OXR1: variants seen among roughly 807,000 people sequenced by gnomAD.
OXR1 encodes oxidation resistance 1.
OXR1 carries 41 observed loss-of-function variants against 104.6 expected under a neutral mutation model. That is an observed-to-expected ratio of 0.39 (90% CI 0.31 to 0.51). The LOEUF (loss-of-function observed/expected upper bound fraction) is 0.51, where lower values mean the gene tolerates loss of function less well. OXR1 is among the 20% of genes least tolerant of loss of function. The pLI, the probability that OXR1 is intolerant of heterozygous loss-of-function variation, is 0.77. For missense variants in OXR1, 955 were observed against 1,031.9 expected, an observed-to-expected ratio of 0.93 and a Z score of 1.02; for synonymous variants, 348 against 348.4, an observed-to-expected ratio of 1.00 and a Z score of 0.01.
intron 1 of OXR1, among the ~76,000 whole-genome samples, chr8:106,348,899 G>C (rs1458923756): frequency 6.6e-6 from 1 of 152,144 alleles, no homozygotes; most frequent in East Asian, 1.9e-4. Flanking sequence ...GTAATAGTTA[G>C]GTTGTAGGAA....
At chr8:106,287,332 A>G (rs991888335) in intron 1 of OXR1, among the ~76,000 whole-genome samples, 2 of 152,198 alleles carry the variant, frequency 1.3e-5, no homozygotes, top group Non-Finnish European at 2.9e-5. Flanking sequence ...TCCTGTGGAT[A>G]ATAATTTCTG....
chr8:106,386,079 G>A (rs958188679), intron 2 of OXR1, among the ~76,000 whole-genome samples: 1 of 152,152 alleles, frequency 6.6e-6, no homozygotes, highest in African/African-American at 2.4e-5. Context: ...GTGGGCAGCA[G>A]CAGCAGCAGC....
chr8:106,339,520 A>T (rs1395122656), intron 1 of OXR1, among the ~76,000 whole-genome samples: 48 of 8,224 alleles, frequency 5.8e-3, no homozygotes, highest in South Asian at 0.04. Flanking sequence ...AAAAAAAAAA[A>T]TATATATATA....
chr8:106,480,617 G>T (rs1006154454), intron 2 of OXR1, among the ~76,000 whole-genome samples: 1 of 151,674 alleles, frequency 6.6e-6, no homozygotes. Context: ...ACACAATAAG[G>T]GTTTACTGTG....
intron 1 of OXR1, among the ~76,000 whole-genome samples, chr8:106,351,628 A>G (rs1401625499): frequency 6.6e-6 from 1 of 152,202 alleles, no homozygotes; most frequent in South Asian, 2.1e-4. Context: ...CAGTGAGAGA[A>G]GGTGGAAAGG....
chr8:106,454,330 A>G (rs755557652), intron 2 of OXR1, among the ~76,000 whole-genome samples: 5 of 151,954 alleles, frequency 3.3e-5, no homozygotes, highest in Non-Finnish European at 5.9e-5. Flanking sequence ...GCGTGGTGAC[A>G]TGCACCTGTA....
At chr8:106,403,020 C>A (rs1421739707) in intron 2 of OXR1, among the ~76,000 whole-genome samples, 12 of 152,122 alleles carry the variant, frequency 7.9e-5, no homozygotes, top group Admixed American at 1.3e-4. Flanking sequence ...CGGGGTTTCA[C>A]CGTGTTAGCC....
At chr8:106,550,399 A>G (rs922544825) in intron 3 of OXR1, among the ~76,000 whole-genome samples, 2 of 152,166 alleles carry the variant, frequency 1.3e-5, no homozygotes, top group African/African-American at 4.8e-5. Context: ...ACTTACAATC[A>G]TGGTGGAAGG....
chr8:106,324,131 T>A (rs187443569), intron 1 of OXR1, among the ~76,000 whole-genome samples: 19 of 152,190 alleles, frequency 1.2e-4, no homozygotes, highest in African/African-American at 4.3e-4. Flanking sequence ...CAATGACAGA[T>A]TGGATAAAGA....
At chr8:106,545,572 A>T (rs540774646) in intron 3 of OXR1, among the ~76,000 whole-genome samples, 1 of 152,350 alleles carries the variant, frequency 6.6e-6, no homozygotes, top group Non-Finnish European at 1.5e-5. Context: ...TGGTACACAG[A>T]TGAAGTAACT....
chr8:106,469,010 GTGTTGTTGT>G (rs66481208), intron 2 of OXR1, among the ~76,000 whole-genome samples: 6 of 139,074 alleles, frequency 4.3e-5, no homozygotes, highest in African/African-American at 1.0e-4. Context: ...GTTTGTTTGT[GTGTTGTTGT>G]TGTTGTTGTT....
intron 1 of OXR1, among the ~76,000 whole-genome samples, chr8:106,358,776 C>T (rs1816095698): frequency 6.6e-6 from 1 of 151,774 alleles, no homozygotes; most frequent in South Asian, 2.1e-4. Context: ...GGCTTATCTC[C>T]CCCATGTTAA....
chr8:106,596,933 G>A lies in OXR1; in HGVS notation c.220+77794G>A, dbSNP rs560081323. ...CTGGGCATGGTGGTGTGCACCTGTA[G>A]TCCTAGATACTCAGGAGGCTGAGGC... On this transcript the variant is annotated intron_variant, in intron 3 of 16. Coordinates refer to ENST00000517566, the MANE Select transcript of OXR1 (RefSeq NM_001198533.2). Among the ~76,000 whole-genome samples, 17 of 152,094 alleles carry A rather than the reference G, an allele frequency of 1.1e-4. No homozygotes were observed. In the East Asian group the frequency reaches 2.9e-3, roughly 26 times the overall value.
intron 1 of OXR1, among the ~76,000 whole-genome samples, chr8:106,332,820 G>A (rs1030656885): frequency 5.9e-5 from 9 of 151,868 alleles, no homozygotes; most frequent in Admixed American, 5.9e-4. Context: ...TCTACTTTCT[G>A]TCTCTATGGA....
intron 3 of OXR1, among the ~76,000 whole-genome samples, chr8:106,593,836 A>C (rs1417765518): frequency 6.6e-6 from 1 of 152,180 alleles, no homozygotes; most frequent in African/African-American, 2.4e-5. Context: ...TAAGATGAAA[A>C]ACTCAAGGTT....
chr8:106,665,656 G>C (rs1169630937), intron 3 of OXR1, among the ~76,000 whole-genome samples: 4 of 152,140 alleles, frequency 2.6e-5, no homozygotes, highest in African/African-American at 7.2e-5. Flanking sequence ...TAAAAGTAAA[G>C]TGACTGCAGA....
intron 3 of OXR1, among the ~76,000 whole-genome samples, chr8:106,641,850 A>G (rs545749799): frequency 2.0e-5 from 3 of 152,336 alleles, no homozygotes; most frequent in African/African-American, 7.2e-5. Context: ...AGTGAAAAGG[A>G]AAGTCCTACA....
chr8:106,290,656 A>G (rs1336559719), intron 1 of OXR1, among the ~76,000 whole-genome samples: 1 of 152,220 alleles, frequency 6.6e-6, no homozygotes, highest in Non-Finnish European at 1.5e-5. Context: ...CACTTCTGAA[A>G]GGAAGACTTA....
In OXR1 at chr8:106,433,643, G is replaced by A. The variant is rs746575358; in HGVS notation, c.23+74007G>A. On this transcript the variant is annotated intron_variant, in intron 2 of 16. Coordinates refer to ENST00000517566, the MANE Select transcript of OXR1 (RefSeq NM_001198533.2). ...GTTAGAAGCAAGGTAGAGTCAATTA[G>A]GTCTGATTTCTTTCACTGTTATAAT... Among the ~76,000 whole-genome samples, 7 of 152,276 alleles carry A rather than the reference G, an allele frequency of 4.6e-5. 1 individual carries two copies. The South Asian group carries it at 1.5e-3, about 32-fold the overall frequency.
Sources: allele counts gnomAD v4.1 joint callset (sites outside exome capture counted in the v4.1 genomes callset), GRCh38; gene constraint gnomAD v4.1.1; transcripts MANE v1.5; gene names NCBI Gene and HGNC (gene_info 2026-07-23, HGNC 2026-07-21).